Variants in UPK1A observed in about 807,000 individuals in gnomAD.
UPK1A encodes the protein uroplakin 1A.
Under a neutral mutation model 32.3 loss-of-function variants are expected in UPK1A, and 31 were observed. The ratio of observed to expected loss-of-function variants is 0.96; its 90% CI spans 0.72 to 1.30. UPK1A has a LOEUF of 1.30. Among genes scored for constraint, UPK1A ranks in the 50% most tolerant of loss-of-function variants. The pLI is 0.00. For synonymous variants in UPK1A, 135 were observed against 137.1 expected, an observed-to-expected ratio of 0.98 and a Z score of 0.11; for missense variants, 340 against 357.4, an observed-to-expected ratio of 0.95 and a Z score of 0.39.
chr19:35,673,420 C>G lies in UPK1A; in HGVS notation c.361-18C>G, dbSNP rs1026094127. The G allele has an allele frequency of 6.2e-7, 1 of 1,613,094 alleles. No homozygotes were observed. Among genetic ancestry groups the G allele is most frequent in the Non-Finnish European group, 8.5e-7 (1 of 1,179,458 alleles). The stretch of plus-strand genomic sequence containing the variant: ...CCACCCAGCCCTGCCGGCCCTTGTT[C>G]TTCCCTGTTCTCCTCAGATGGTGTC... On this transcript the variant is annotated intron_variant, in intron 4 of 7. Transcript: ENST00000617999.
intron 3 of UPK1A, among the ~76,000 whole-genome samples, chr19:35,669,103 C>T (rs1968046984): frequency 2.6e-5 from 4 of 152,092 alleles, no homozygotes; most frequent in African/African-American, 9.7e-5. Flanking sequence ...ACGAGCTGTT[C>T]TAAATGGTTT....
chr19:35,675,825 T>C lies in UPK1A; in HGVS notation c.469-15T>C. 6.3e-7 allele frequency: 1 copy of C among 1,595,156 alleles called. No individual in the cohort carries two copies. ...CTGAGCCCGAGCCTGCCTGACCCCCTGCTTTTCACTCTAGCAAGAATGCTG... is the reference window on the plus strand; with the variant it reads ...CTGAGCCCGAGCCTGCCTGACCCCCCGCTTTTCACTCTAGCAAGAATGCTG... On this transcript the variant is annotated splice_polypyrimidine_tract_variant and intron_variant, in intron 5 of 7. Coordinates refer to ENST00000617999, the Ensembl canonical transcript of UPK1A.
chr19:35,669,984 G>C (rs1051921146), intron 3 of UPK1A, among the ~76,000 whole-genome samples: 1 of 152,222 alleles, frequency 6.6e-6, no homozygotes, highest in African/African-American at 2.4e-5. Flanking sequence ...AAACATAAAA[G>C]CCCTTGACCC....
At chr19:35,668,276 G>C (rs1373979524) in intron 2 of UPK1A, 178 bp from the exon 3 acceptor site, 3 of 735,820 alleles carry the variant, frequency 4.1e-6, no homozygotes, top group East Asian at 5.4e-5. Flanking sequence ...TGGCTGGGCT[G>C]TCTCTTCTCT....
chr19:35,666,995 G>T, intron 2 of UPK1A, 99 bp downstream of exon 2: 1 of 1,246,888 alleles, frequency 8.0e-7, no homozygotes, highest in Non-Finnish European at 1.2e-6. Flanking sequence ...ACTGTCTCTC[G>T]GGCAGACTCA....
In UPK1A at chr19:35,675,830, T is replaced by C; in HGVS notation, c.469-10T>C. The C allele has an allele frequency of 6.3e-7, 1 of 1,597,962 alleles. No individual in the cohort carries two copies. The highest frequency in any genetic ancestry group is 8.6e-7 in the Non-Finnish European group (1 of 1,169,142). ...CCCGAGCCTGCCTGACCCCCTGCTTTTCACTCTAGCAAGAATGCTGTGGCA... is the reference window on the plus strand; with the variant it reads ...CCCGAGCCTGCCTGACCCCCTGCTTCTCACTCTAGCAAGAATGCTGTGGCA... On this transcript the variant is annotated splice_polypyrimidine_tract_variant and intron_variant, in intron 5 of 7. Transcript: ENST00000617999.
At chr19:35,668,713 T>G in intron 3 of UPK1A, 59 bp downstream of exon 3, 1 of 1,520,156 alleles carries the variant, frequency 6.6e-7, no homozygotes, top group Non-Finnish European at 8.8e-7. Context: ...CATCACTGAG[T>G]CATAGTAGCA....
exon 6 of UPK1A, chr19:35,675,943 G>A (rs774118061): frequency 1.2e-6 from 2 of 1,613,842 alleles, no homozygotes; most frequent in Non-Finnish European, 1.7e-6. Flanking sequence ...CCACTGTGCT[G>A]TCGCCGGACG....
At chr19:35,674,926 C>T (rs968089816) in intron 5 of UPK1A, among the ~76,000 whole-genome samples, 9 of 151,612 alleles carry the variant, frequency 5.9e-5, no homozygotes, top group Admixed American at 5.3e-4. Context: ...CCTGTGATTC[C>T]AGCTACTTGG....
At chr19:35,676,861 T>G (rs1390601262) in intron 6 of UPK1A, among the ~76,000 whole-genome samples, 2 of 151,502 alleles carry the variant, frequency 1.3e-5, no homozygotes, top group African/African-American at 4.9e-5. Flanking sequence ...ATTGTGCCAC[T>G]GCACCCCAGC....
chr19:35,673,210 CG>C (rs773792228), intron 3 of UPK1A, 21 bp from the exon 4 acceptor site: 1 of 1,613,132 alleles, frequency 6.2e-7, no homozygotes, highest in Non-Finnish European at 8.5e-7. Flanking sequence ...CCCGACGGGC[CG>C]TCCTCCCTCT....
Position 35,671,011 on chromosome 19 carries a change from G to T in UPK1A, c.286-2221G>T, listed in dbSNP as rs117027876. Among the ~76,000 whole-genome samples, 897 of 151,984 alleles carry T rather than the reference G, an allele frequency of 5.9e-3. 5 individuals are homozygous for T. The highest frequency in any genetic ancestry group is 9.2e-3 in the Non-Finnish European group (626 of 67,996). ...ATTACAGGCATGAGCCACCACACCT[G>T]CCCTCTTATTTTCTTATCCTGTATT... On this transcript the variant is annotated intron_variant, in intron 3 of 7. Transcript: ENST00000617999.
exon 8 of UPK1A, chr19:35,678,096 T>C: frequency 2.0e-6 from 3 of 1,477,998 alleles, no homozygotes; most frequent in Admixed American, 4.7e-5. Context: ...TGGGCCTGGA[T>C]GGCTGCCTCA....
chr19:35,671,824 A>G (rs1489889224), intron 3 of UPK1A, among the ~76,000 whole-genome samples: 4 of 151,930 alleles, frequency 2.6e-5, no homozygotes, highest in Admixed American at 2.6e-4. Context: ...AGCCCTGCAT[A>G]CCTCTCACCT....
intron 2 of UPK1A, 140 bp from the exon 3 acceptor site, chr19:35,668,314 C>T: frequency 9.9e-7 from 1 of 1,010,658 alleles, no homozygotes; most frequent in Middle Eastern, 2.0e-4. Flanking sequence ...CTCATCGCTG[C>T]TCATGGAAGG....
chr19:35,668,840 G>T (rs1968042893), intron 3 of UPK1A, among the ~76,000 whole-genome samples, 186 bp downstream of exon 3: 1 of 146,630 alleles, frequency 6.8e-6, no homozygotes, highest in African/African-American at 2.5e-5. Context: ...GCAGAGCTGG[G>T]ATTTTTTCTT....
At chr19:35,677,981 G>T (rs957028240) in exon 8 of UPK1A, 4 of 1,602,706 alleles carry the variant, frequency 2.5e-6, no homozygotes, top group African/African-American at 1.3e-5. Context: ...CCAGCTCCCG[G>T]TCATGCTGAT....
At chr19:35,672,127 A>T (rs186857302) in intron 3 of UPK1A, among the ~76,000 whole-genome samples, 9 of 152,264 alleles carry the variant, frequency 5.9e-5, no homozygotes, top group African/African-American at 2.2e-4. Context: ...ATTAAACATC[A>T]ACTGACAAGC....
At chr19:35,669,512 A>G (rs1968053259) in intron 3 of UPK1A, among the ~76,000 whole-genome samples, 1 of 136,724 alleles carries the variant, frequency 7.3e-6, no homozygotes, top group Non-Finnish European at 1.6e-5. Flanking sequence ...AAAAAAAAAA[A>G]AAAAAAAAAT....
Sources: gnomAD v4.1 joint callset for allele counts (sites outside exome capture counted in the v4.1 genomes callset) on GRCh38, gnomAD v4.1.1 for gene constraint, MANE v1.5 for transcripts, NCBI Gene and HGNC (gene_info 2026-07-23, HGNC 2026-07-21) for gene names.